The following IDE variants were observed in gnomAD, a reference collection of about 807,000 sequenced individuals.
IDE encodes insulin degrading enzyme.
Under a neutral mutation model 133.2 loss-of-function variants are expected in IDE, and 58 were observed. The ratio of observed to expected loss-of-function variants is 0.44; its 90% CI spans 0.35 to 0.54. IDE has a LOEUF of 0.54. Ranked by LOEUF, IDE falls within the 20% of genes least tolerant of loss-of-function variation. The probability of loss-of-function intolerance (pLI) is 0.00; values close to 1 mark genes in which losing one functional copy is unlikely to be tolerated. For missense variants in IDE, 981 were observed against 1,234.0 expected (o/e 0.79, Z 3.07); for synonymous variants, 396 against 421.3 (o/e 0.94, Z 0.73).
intron 1 of IDE, among the ~76,000 whole-genome samples, chr10:92,561,379 G>C (rs1843274761): frequency 6.6e-6 from 1 of 152,182 alleles, no homozygotes; most frequent in Admixed American, 6.5e-5. Flanking sequence ...TCCTATAGTT[G>C]CCATAAGGAT....
At chr10:92,528,861 G>A (rs1267188019) in intron 4 of IDE, among the ~76,000 whole-genome samples, 3 of 152,086 alleles carry the variant, frequency 2.0e-5, no homozygotes, top group Non-Finnish European at 4.4e-5. Flanking sequence ...CAGATCACTT[G>A]AGGTCAGGAG....
chr10:92,454,254 AT>A lies in IDE; in HGVS notation c.*189del, dbSNP rs750964463. 9 of 462,080 alleles carry A rather than the reference AT, an allele frequency of 1.9e-5. No homozygotes were observed. The highest frequency in any genetic ancestry group is 3.1e-5 in the Non-Finnish European group (8 of 259,012). 28.6% of individuals were successfully genotyped at this position (462,080 alleles called of 1,614,324 possible). A position where few individuals can be genotyped will look rare whatever the true frequency, so the allele number is the denominator to read the frequency against. On this transcript the variant is annotated 3_prime_UTR_variant, in exon 25 of 25. Coordinates refer to ENST00000265986, the MANE Select transcript of IDE (RefSeq NM_004969.4). ...TATTTAAGAGGCATGTATTTAAAAA[AT>A]ATTCTACATCTATAAGATTTTGTAA...
Position 92,475,914 on chromosome 10 carries a change from A to G in IDE, c.1965T>C (p.Asp655=). 2 of 1,502,372 alleles carry G rather than the reference A, an allele frequency of 1.3e-6. No homozygotes were observed. The highest frequency in any genetic ancestry group is 1.4e-5 in the African/African-American group (1 of 72,506). The allele number at this position is 1,502,372 out of a possible 1,614,324, so 93.1% of individuals were successfully genotyped here. Residue 655 remains aspartate (D), a synonymous_variant, in exon 16 of 25, where the codon GAT becomes GAC. Transcript: ENST00000265986. ...IIEKMATFEI[D]EKRFEIIKEA... ...CTTTGATAATTTCAAATCTTTTTTC[A>G]TCAATCTCAAAGGTAGCCATTTTCT...
chr10:92,567,259 T>A (rs958253979), intron 1 of IDE, among the ~76,000 whole-genome samples: 8 of 152,264 alleles, frequency 5.3e-5, no homozygotes, highest in African/African-American at 1.9e-4. Flanking sequence ...TAGCTGAACT[T>A]CTTCCCAGAG....
intron 1 of IDE, among the ~76,000 whole-genome samples, chr10:92,571,172 C>T (rs1163232048): frequency 6.6e-6 from 1 of 151,746 alleles, no homozygotes; most frequent in African/African-American, 2.4e-5. Context: ...CCACCACGCC[C>T]GGCTAATTTT....
chr10:92,461,266 C>T lies in IDE; in HGVS notation c.2762-14G>A, dbSNP rs1845374497. On this transcript the variant is annotated splice_polypyrimidine_tract_variant and intron_variant, in intron 21 of 24. Transcript: ENST00000265986. ...CCTCAGTGTTATCTGAAAAAGTAAT[C>T]AAACAATATTTTACTAACATTTTCA... 3.0e-6 allele frequency: 4 copies of T among 1,314,024 alleles called. No homozygotes were observed. The highest frequency in any genetic ancestry group is 4.4e-6 in the Non-Finnish European group (4 of 908,680). 81.4% of individuals were successfully genotyped at this position (1,314,024 alleles called of 1,614,324 possible).
chr10:92,533,628 G>C (rs1215195013), intron 3 of IDE, among the ~76,000 whole-genome samples: 14 of 150,532 alleles, frequency 9.3e-5, no homozygotes. Flanking sequence ...GACTACCAGA[G>C]TGTAGTCCAT....
At chr10:92,555,865 G>A (rs1470647853) in intron 1 of IDE, among the ~76,000 whole-genome samples, 1 of 152,096 alleles carries the variant, frequency 6.6e-6, no homozygotes, top group Non-Finnish European at 1.5e-5. Flanking sequence ...TGAAATAAAC[G>A]GCGTACAAAT....
At chr10:92,508,531 T>C (rs1848417598) in intron 7 of IDE, among the ~76,000 whole-genome samples, 197 bp downstream of exon 7, 1 of 127,880 alleles carries the variant, frequency 7.8e-6, no homozygotes, top group South Asian at 2.6e-4. Context: ...CTAGGCAAAA[T>C]GGCGAAACCC....
At chr10:92,494,732 C>T (rs141717207) in intron 11 of IDE, among the ~76,000 whole-genome samples, 60 of 152,266 alleles carry the variant, frequency 3.9e-4, no homozygotes, top group African/African-American at 1.4e-3. Flanking sequence ...ATGCAGCTGT[C>T]GAAGCTGGAT....
At chr10:92,520,250 G>A (rs1379692108) in intron 4 of IDE, among the ~76,000 whole-genome samples, 1 of 152,118 alleles carries the variant, frequency 6.6e-6, no homozygotes, top group Non-Finnish European at 1.5e-5. Flanking sequence ...TCCAGTAAGT[G>A]CTACTTTATA....
intron 10 of IDE, among the ~76,000 whole-genome samples, chr10:92,505,859 G>C (rs1848267357): frequency 6.6e-6 from 1 of 152,154 alleles, no homozygotes; most frequent in Non-Finnish European, 1.5e-5. Context: ...GAGGTGGGCT[G>C]GACAGTGGTA....
At chr10:92,487,350 A>G (rs562280600) in intron 12 of IDE, 32 bp from the exon 13 acceptor site, 19 of 1,592,942 alleles carry the variant, frequency 1.2e-5, no homozygotes, top group African/African-American at 4.1e-5. Flanking sequence ...CAAATGCAGT[A>G]AGAGTCTGAT....
chr10:92,481,576 T>G lies in IDE; in HGVS notation c.1739+1679A>C, dbSNP rs137994965. 1.5e-4 allele frequency among the ~76,000 whole-genome samples: 23 copies of G among 152,374 alleles called. No homozygotes were observed. In the East Asian group the frequency reaches 4.0e-3, roughly 27 times the overall value. ...TGTGTTAATTTTAAAAATACGTTAT[T>G]TTGTAACCAGATACTATATGCTTAA... On this transcript the variant is annotated intron_variant, in intron 14 of 24. Transcript: ENST00000265986.
intron 20 of IDE, among the ~76,000 whole-genome samples, 180 bp from the exon 21 acceptor site, chr10:92,464,183 C>T (rs1845548305): frequency 6.6e-6 from 1 of 152,156 alleles, no homozygotes; most frequent in South Asian, 2.1e-4. Context: ...AGCAGAAGAG[C>T]TCTCTGAAGA....
chr10:92,475,001 T>G (rs751858268), intron 16 of IDE, 40 bp from the exon 17 acceptor site: 47 of 1,530,568 alleles, frequency 3.1e-5, no homozygotes, highest in Non-Finnish European at 4.1e-5. Flanking sequence ...TTATAAATCT[T>G]TTAAAAATCA....
chr10:92,480,213 C>A (rs1017331452), intron 14 of IDE, among the ~76,000 whole-genome samples: 2 of 152,200 alleles, frequency 1.3e-5, no homozygotes, highest in African/African-American at 2.4e-5. Flanking sequence ...AAATGACCTG[C>A]TCCTTTGACT....
intron 22 of IDE, among the ~76,000 whole-genome samples, chr10:92,457,704 C>A (rs1327650136): frequency 6.6e-6 from 1 of 152,108 alleles, no homozygotes; most frequent in Non-Finnish European, 1.5e-5. Context: ...TCAGCCAAAC[C>A]AAATCCACTC....
At position 92,536,777 on chromosome 10, in the gene IDE, C is replaced by T. The variant is rs141999804; in HGVS notation, c.283+589G>A. On this transcript the variant is annotated intron_variant, in intron 2 of 24. Coordinates refer to ENST00000265986, the MANE Select transcript of IDE (RefSeq NM_004969.4). ...GTATTAGGCCAGGCACGGTGGCTCA[C>T]GCCTGTAATCCCAGCACTTTGGGAG... Among the ~76,000 whole-genome samples the T allele has an allele frequency of 2.4e-3, 365 of 151,838 alleles. 1 individual carries two copies. Among genetic ancestry groups the T allele is most frequent in the African/African-American group, 8.2e-3 (341 of 41,434 alleles).
Sources: allele counts gnomAD v4.1 joint callset (sites outside exome capture counted in the v4.1 genomes callset), GRCh38; gene constraint gnomAD v4.1.1; transcripts MANE v1.5; gene names NCBI Gene and HGNC (gene_info 2026-07-23, HGNC 2026-07-21).